UBR3: variants seen among roughly 807,000 people sequenced by gnomAD.
UBR3 encodes the protein E3 ubiquitin-protein ligase UBR3.
UBR3 carries 85 observed loss-of-function variants against 243.2 expected under a neutral mutation model. That is an observed-to-expected ratio of 0.35 (90% confidence interval 0.29 to 0.42). The LOEUF is 0.42. Among genes scored for constraint, UBR3 ranks in the 10% least tolerant of loss-of-function variants. The pLI, the probability that UBR3 is intolerant of heterozygous loss-of-function variation, is 1.00. For synonymous variants in UBR3, 748 were observed against 799.8 expected, an observed-to-expected ratio of 0.94 and a Z score of 1.09; for missense variants, 1,686 against 2,300.8, an observed-to-expected ratio of 0.73 and a Z score of 5.47.
Position 169,959,372 on chromosome 2 carries a change from A to T in UBR3, c.3634+846A>T, listed in dbSNP as rs143814402. On this transcript the variant is annotated intron_variant, in intron 24 of 38. Transcript: ENST00000272793. ...AGCACCCCTAATCTGAAAATCTGAA[A>T]ATCTGAAATCTAAAATGTACCAAAA... is the stretch of plus-strand genomic sequence containing the variant. 4.0e-3 allele frequency among the ~76,000 whole-genome samples: 615 copies of T among 152,006 alleles called. 4 individuals carry two copies. The highest frequency in any genetic ancestry group is 0.014 in the African/African-American group (575 of 41,510).
intron 1 of UBR3, among the ~76,000 whole-genome samples, chr2:169,843,820 G>T (rs2082375012): frequency 6.6e-6 from 1 of 152,070 alleles, no homozygotes; most frequent in Non-Finnish European, 1.5e-5. Flanking sequence ...GAGTTGGGAA[G>T]GGCACCCTCC....
chr2:170,038,450 T>C lies in UBR3; in HGVS notation c.4557-2432T>C, dbSNP rs945635397. Among the ~76,000 whole-genome samples, 4 of 152,194 alleles carry C rather than the reference T, an allele frequency of 2.6e-5. No individual in the cohort carries two copies. The South Asian group carries it at 6.2e-4, about 24-fold the overall frequency. ...TTATTAACTGTTTTAATCCAGGCAT[T>C]GGGATATAATGATAAGCAAGATATC... On this transcript the variant is annotated intron_variant, in intron 31 of 38. Coordinates refer to ENST00000272793, the MANE Select transcript of UBR3 (RefSeq NM_172070.4).
At chr2:169,881,723 TTTATA>T (rs1452743979) in intron 5 of UBR3, among the ~76,000 whole-genome samples, 2 of 140,382 alleles carry the variant, frequency 1.4e-5, no homozygotes, top group African/African-American at 5.2e-5. Flanking sequence ...TATATGTATA[TTTATA>T]TTATATATTA....
chr2:169,875,917 C>T lies in UBR3; in HGVS notation c.812C>T (p.Thr271Ile). ...CGGTCTGTTCTTACTCAGGTTTTGA[C>T]AAACCAACAAAACTACAAAGATCTG... ...AMRSVLTQVL[T>I]NQQNYKDLTS... The change falls in exon 3 of 39, where the codon ACA (threonine) becomes ATA (isoleucine). Residue 271 changes from threonine to isoleucine, a missense_variant. By Grantham distance (89) the Thr-to-Ile change is moderately conservative. This residue lies in a region of UBR3 where 200 missense variants were observed against 231.6 expected (regional missense o/e 0.86). Transcript: ENST00000272793. 6.5e-7 allele frequency: 1 copy of T among 1,537,222 alleles called. No homozygotes were observed. The highest frequency in any genetic ancestry group is 8.8e-7 in the Non-Finnish European group (1 of 1,141,846).
At chr2:169,946,059 G>T (rs1003972901) in intron 20 of UBR3, among the ~76,000 whole-genome samples, 1 of 151,950 alleles carries the variant, frequency 6.6e-6, no homozygotes, top group Non-Finnish European at 1.5e-5. Flanking sequence ...AGAGAAGAGT[G>T]TCAGCAAATT....
Position 170,072,185 on chromosome 2 carries a change from A to G in UBR3, c.5020-1243A>G, listed in dbSNP as rs568183856. Among the ~76,000 whole-genome samples the G allele has an allele frequency of 6.8e-4, 104 of 152,340 alleles. No individual in the cohort carries two copies. In the Middle Eastern group the frequency reaches 0.017, roughly 25 times the overall value. ...TTGGAACCAACCCAAATGTCCAACA[A>G]TGATAGACTGGATTAAGAAAATGTG... is the stretch of plus-strand genomic sequence containing the variant. On this transcript the variant is annotated intron_variant, in intron 35 of 38. Coordinates refer to ENST00000272793, the MANE Select transcript of UBR3 (RefSeq NM_172070.4).
chr2:169,885,159 T>C (rs1250508336), intron 5 of UBR3, among the ~76,000 whole-genome samples: 1 of 152,210 alleles, frequency 6.6e-6, no homozygotes, highest in Non-Finnish European at 1.5e-5. Flanking sequence ...TATAGGCCCA[T>C]GGGATTGTTA....
intron 24 of UBR3, chr2:169,964,510 G>T (rs2087722826): frequency 2.2e-6 from 1 of 460,926 alleles, no homozygotes; most frequent in Non-Finnish European, 4.5e-6. Context: ...AAACTGGAGG[G>T]AAGGAGGAAA....
At position 169,874,093 on chromosome 2, in the gene UBR3, A is replaced by G. The variant is rs552734678; in HGVS notation, c.686-1698A>G. 2.0e-3 allele frequency among the ~76,000 whole-genome samples: 298 copies of G among 152,294 alleles called. 1 individual carries two copies. The highest frequency in any genetic ancestry group is 6.8e-3 in the African/African-American group (281 of 41,568). On this transcript the variant is annotated intron_variant, in intron 2 of 38. Coordinates refer to ENST00000272793, the MANE Select transcript of UBR3 (RefSeq NM_172070.4). Reference sequence around the variant, plus strand: ...TTTTATCTAAAGATGATCTGCATGAATGTAGGTTCATGGAAGTTTCTTCCT... The same window carrying G: ...TTTTATCTAAAGATGATCTGCATGAGTGTAGGTTCATGGAAGTTTCTTCCT...
At chr2:169,876,825 A>C (rs1395811568) in intron 3 of UBR3, among the ~76,000 whole-genome samples, 1 of 152,110 alleles carries the variant, frequency 6.6e-6, no homozygotes, top group Non-Finnish European at 1.5e-5. Flanking sequence ...TGGCCTCCTA[A>C]AGTGCTGAGA....
chr2:170,000,532 C>T (rs917564930), intron 26 of UBR3, among the ~76,000 whole-genome samples: 3 of 152,184 alleles, frequency 2.0e-5, no homozygotes, highest in African/African-American at 7.2e-5. Flanking sequence ...GGCTTTCTGA[C>T]TTGGTGACTA....
chr2:170,038,185 T>C (rs1574433068), intron 31 of UBR3, among the ~76,000 whole-genome samples: 1 of 152,332 alleles, frequency 6.6e-6, no homozygotes, highest in Middle Eastern at 3.4e-3. Context: ...TAGGTTATCA[T>C]GCAAGAAGTT....
chr2:169,834,647 C>T (rs1434512769), intron 1 of UBR3, among the ~76,000 whole-genome samples: 1 of 152,174 alleles, frequency 6.6e-6, no homozygotes, highest in Non-Finnish European at 1.5e-5. Flanking sequence ...TGTCCCACTG[C>T]TTTTTCGTCC....
Position 169,882,389 on chromosome 2 carries a change from AAT to A in UBR3, c.1038+3827_1038+3828del, listed in dbSNP as rs753772200. 5.5e-4 allele frequency among the ~76,000 whole-genome samples: 78 copies of A among 143,072 alleles called. No individual in the cohort carries two copies. The East Asian group carries it at 6.3e-3, about 12-fold the overall frequency. 93.9% of individuals were successfully genotyped at this position (143,072 alleles called of 152,430 possible). A position where few individuals can be genotyped will look rare whatever the true frequency, so the allele number is the denominator to read the frequency against. On this transcript the variant is annotated intron_variant, in intron 5 of 38. Transcript: ENST00000272793. Reference sequence around the variant, plus strand: ...TATGTAAATATATATTATATATAAAAATATATATATATAAAATAAGGTGTTTG... The same window carrying A: ...TATGTAAATATATATTATATATAAAAATATATATATAAAATAAGGTGTTTG...
intron 19 of UBR3, 95 bp from the exon 20 acceptor site, chr2:169,942,398 A>AG (rs2086628691): frequency 7.8e-7 from 1 of 1,277,044 alleles, no homozygotes; most frequent in Non-Finnish European, 1.1e-6. Context: ...ACTGCATAAA[A>AG]TATTGTGACA....
At chr2:169,988,273 T>C (rs2089118156) in intron 25 of UBR3, among the ~76,000 whole-genome samples, 1 of 152,216 alleles carries the variant, frequency 6.6e-6, no homozygotes, top group Non-Finnish European at 1.5e-5. Context: ...TTTATTGAGC[T>C]CCTAGGTGTC....
intron 25 of UBR3, among the ~76,000 whole-genome samples, chr2:169,991,962 A>C (rs2105392589): frequency 6.6e-6 from 1 of 152,314 alleles, no homozygotes; most frequent in African/African-American, 2.4e-5. Flanking sequence ...AGGTGAAGGA[A>C]AATGAAAATG....
chr2:169,934,306 T>A (rs1184557493), intron 19 of UBR3, among the ~76,000 whole-genome samples: 3 of 152,086 alleles, frequency 2.0e-5, no homozygotes, highest in African/African-American at 4.8e-5. Flanking sequence ...GTGATGATGG[T>A]TAGTTGTTTT....
chr2:169,837,204 C>T (rs1003489828), intron 1 of UBR3, among the ~76,000 whole-genome samples: 9 of 152,302 alleles, frequency 5.9e-5, no homozygotes, highest in South Asian at 4.2e-4. Flanking sequence ...TGAACGGGCC[C>T]GGAGGCTCAC....
Sources: gnomAD v4.1 joint callset for allele counts (sites outside exome capture counted in the v4.1 genomes callset) on GRCh38, gnomAD v4.1.1 for gene constraint, gnomAD v4.1.1 regional missense constraint, MANE v1.5 for transcripts, NCBI Gene and HGNC (gene_info 2026-07-23, HGNC 2026-07-21) for gene names.